Variants in ZUP1 observed in about 807,000 individuals in gnomAD.
The protein encoded by ZUP1 is zinc finger-containing ubiquitin peptidase 1.
ZUP1 carries 55 observed loss-of-function variants against 68.1 expected under a neutral mutation model. That is an observed-to-expected ratio of 0.81 (90% CI 0.65 to 1.01). The LOEUF (loss-of-function observed/expected upper bound fraction) is 1.01. ZUP1 is among the 50% of genes least tolerant of loss of function. The pLI is 0.00. For synonymous variants in ZUP1, 223 were observed against 221.5 expected (o/e 1.01, Z -0.06); for missense variants, 684 against 674.9 (o/e 1.01, Z -0.15).
At chr6:116,641,804 T>C (rs912150110) in intron 9 of ZUP1, among the ~76,000 whole-genome samples, 2 of 151,760 alleles carry the variant, frequency 1.3e-5, no homozygotes, top group African/African-American at 4.8e-5. Flanking sequence ...GCAAACACAT[T>C]CAAAAGCTAG....
intron 2 of ZUP1, among the ~76,000 whole-genome samples, chr6:116,665,074 G>A (rs1583381435): frequency 6.6e-6 from 1 of 152,044 alleles, no homozygotes; most frequent in East Asian, 1.9e-4. Flanking sequence ...ACATCTTATG[G>A]AATACAGCTG....
intron 9 of ZUP1, among the ~76,000 whole-genome samples, chr6:116,639,001 G>C (rs535648670): frequency 6.6e-6 from 1 of 152,344 alleles, no homozygotes; most frequent in East Asian, 1.9e-4. Flanking sequence ...GCGCTTTTCC[G>C]ACAGGCTTAG....
chr6:116,639,741 A>C (rs1776030199), intron 9 of ZUP1, among the ~76,000 whole-genome samples: 1 of 152,212 alleles, frequency 6.6e-6, no homozygotes, highest in African/African-American at 2.4e-5. Flanking sequence ...ATGGGGAAAA[A>C]ACAGAGCAGA....
intron 2 of ZUP1, among the ~76,000 whole-genome samples, chr6:116,665,663 T>C (rs1245964584): frequency 6.7e-6 from 1 of 148,346 alleles, no homozygotes; most frequent in Non-Finnish European, 1.5e-5. Context: ...CACTGCAGCG[T>C]CCACTTCCCA....
chr6:116,659,652 C>T (rs1049104063), intron 3 of ZUP1, among the ~76,000 whole-genome samples: 1 of 151,820 alleles, frequency 6.6e-6, no homozygotes, highest in African/African-American at 2.4e-5. Flanking sequence ...TAAAAATACA[C>T]ATTTACAAAG....
At chr6:116,661,450 G>C (rs1776838973) in intron 2 of ZUP1, among the ~76,000 whole-genome samples, 1 of 152,098 alleles carries the variant, frequency 6.6e-6, no homozygotes, top group Non-Finnish European at 1.5e-5. Flanking sequence ...GTCTGGATAT[G>C]GGTTTTTAGG....
Position 116,668,586 on chromosome 6 carries a change from G to C in ZUP1, c.-36C>G, listed in dbSNP as rs1652340632. On this transcript the variant is annotated 5_prime_UTR_variant, in exon 1 of 10. Coordinates refer to ENST00000368576, the MANE Select transcript of ZUP1 (RefSeq NM_145062.3). ...CTTACCGGCCCAGAGGCCAGCAGCTGCCACACTGAGCTCCGCTAGGCTTCC... is the reference window on the plus strand; with the variant it reads ...CTTACCGGCCCAGAGGCCAGCAGCTCCCACACTGAGCTCCGCTAGGCTTCC... The C allele has an allele frequency of 6.6e-6, 1 of 152,658 alleles. No individual in the cohort carries two copies. The highest frequency in any genetic ancestry group is 2.1e-4 in the South Asian group (1 of 4,844). 9.5% of individuals were successfully genotyped at this position (152,658 alleles called of 1,614,324 possible).
At chr6:116,654,189 T>C (rs905105439) in intron 5 of ZUP1, among the ~76,000 whole-genome samples, 5 of 151,974 alleles carry the variant, frequency 3.3e-5, no homozygotes, top group African/African-American at 9.7e-5. Flanking sequence ...CTCTATGCTA[T>C]AGTGAGAACT....
At chr6:116,640,148 G>C (rs893296433) in intron 9 of ZUP1, among the ~76,000 whole-genome samples, 1 of 134,990 alleles carries the variant, frequency 7.4e-6, no homozygotes, top group Non-Finnish European at 1.6e-5. Context: ...AAAAAGAATA[G>C]AAAGAAATGA....
chr6:116,649,686 A>C (rs938954349), intron 7 of ZUP1, among the ~76,000 whole-genome samples: 3 of 152,198 alleles, frequency 2.0e-5, no homozygotes, highest in African/African-American at 4.8e-5. Flanking sequence ...CTGGGAAAAG[A>C]TCTCTCTATA....
chr6:116,638,066 C>CAAA (rs11398572), intron 9 of ZUP1, among the ~76,000 whole-genome samples: 82 of 88,752 alleles, frequency 9.2e-4, no homozygotes, highest in African/African-American at 2.7e-3. Context: ...AGTCGGTCTC[C>CAAA]AAAAAAAAAA....
rs767599523 is a variant in ZUP1 at position 116,651,640 on chromosome 6, C to T, written c.1248G>A (p.Arg416=). 5.5e-5 allele frequency: 89 copies of T among 1,613,820 alleles called. 1 individual carries two copies. The Admixed American group carries it at 1.3e-3, about 24-fold the overall frequency. ...DPQGASQLNN[R]LQGTKAWIGA... ...CAATCCAGGCCTTTGTTCCCTGTAA[C>T]CTGTTATTAAGTTGAGAGGCCCCCT... is the stretch of plus-strand genomic sequence containing the variant. The change falls in exon 7 of 10, where the codon AGG becomes AGA. Residue 416 remains arginine (R), a synonymous_variant. Coordinates refer to ENST00000368576, the MANE Select transcript of ZUP1 (RefSeq NM_145062.3).
At chr6:116,652,336 A>G in intron 5 of ZUP1, 144 bp from the exon 6 acceptor site, 1 of 654,096 alleles carries the variant, frequency 1.5e-6, no homozygotes, top group East Asian at 2.8e-5. Flanking sequence ...CTATAACCTT[A>G]GTTTGTGTCC....
At chr6:116,656,628 T>C in intron 5 of ZUP1, 56 bp downstream of exon 5, 1 of 1,352,714 alleles carries the variant, frequency 7.4e-7, no homozygotes, top group Non-Finnish European at 1.0e-6. Context: ...ATTCTGATTA[T>C]TACTTCAGTG....
At chr6:116,667,628 T>C (rs1460400963) in intron 1 of ZUP1, among the ~76,000 whole-genome samples, 1 of 152,160 alleles carries the variant, frequency 6.6e-6, no homozygotes, top group African/African-American at 2.4e-5. Context: ...AAGTAGAGTT[T>C]AACACTGTAA....
intron 3 of ZUP1, among the ~76,000 whole-genome samples, chr6:116,659,125 C>T (rs1776757761): frequency 6.6e-6 from 1 of 151,930 alleles, no homozygotes; most frequent in Admixed American, 6.6e-5. Context: ...TGACAACTAA[C>T]AGTCACTGTT....
At chr6:116,662,701 G>T (rs545038986) in intron 2 of ZUP1, among the ~76,000 whole-genome samples, 2 of 152,222 alleles carry the variant, frequency 1.3e-5, no homozygotes, top group South Asian at 4.2e-4. Flanking sequence ...AAATCTGGTT[G>T]GTTCATGACA....
chr6:116,664,441 AAC>A (rs1168020669), intron 2 of ZUP1, among the ~76,000 whole-genome samples: 2 of 151,680 alleles, frequency 1.3e-5, no homozygotes, highest in Non-Finnish European at 2.9e-5. Context: ...AAAAAAAAAA[AAC>A]ACACACACAC....
chr6:116,651,802 G>A, intron 6 of ZUP1, 65 bp from the exon 7 acceptor site: 1 of 1,566,092 alleles, frequency 6.4e-7, no homozygotes, highest in Admixed American at 1.7e-5. Context: ...ATTTAGCAGT[G>A]TATTATGTAC....
Sources: allele counts gnomAD v4.1 joint callset (sites outside exome capture counted in the v4.1 genomes callset), GRCh38; gene constraint gnomAD v4.1.1; transcripts MANE v1.5; gene names NCBI Gene and HGNC (gene_info 2026-07-23, HGNC 2026-07-21).